Variants in PARG observed in about 807,000 individuals in gnomAD.
PARG encodes poly(ADP-ribose) glycohydrolase, also known as mitochondrial poly(ADP-ribose) glycohydrolase.
PARG carries 35 observed loss-of-function variants against 113.0 expected under a neutral mutation model. The ratio of observed to expected loss-of-function variants is 0.31; its 90% confidence interval spans 0.24 to 0.41. The LOEUF (loss-of-function observed/expected upper bound fraction) is 0.41, where lower values mean the gene tolerates loss of function less well. PARG is among the 10% of genes least tolerant of loss of function. The pLI, the probability that PARG is intolerant of heterozygous loss-of-function variation, is 1.00. For synonymous variants in PARG, 330 were observed against 409.9 expected (o/e 0.81, Z 2.36); for missense variants, 797 against 1,169.4 (o/e 0.68, Z 4.64).
chr10:49,821,771 T>A (rs781823873), intron 16 of PARG, among the ~76,000 whole-genome samples: 2 of 152,138 alleles, frequency 1.3e-5, no homozygotes, highest in Non-Finnish European at 2.9e-5. Flanking sequence ...AGAATGGGAA[T>A]GGGAAGAAAC....
intron 10 of PARG, among the ~76,000 whole-genome samples, chr10:49,867,837 C>A (rs1206736554): frequency 6.6e-6 from 1 of 151,782 alleles, no homozygotes; most frequent in Non-Finnish European, 1.5e-5. Context: ...AGAAGACATA[C>A]ATGATTTGAC....
intron 12 of PARG, among the ~76,000 whole-genome samples, chr10:49,858,791 T>C (rs1846114785): frequency 6.7e-6 from 1 of 150,350 alleles, no homozygotes; most frequent in Non-Finnish European, 1.5e-5. Flanking sequence ...GAAACCAGTC[T>C]GTTGATTAGA....
intron 10 of PARG, among the ~76,000 whole-genome samples, chr10:49,867,804 T>C (rs1419794536): frequency 6.6e-6 from 1 of 151,626 alleles, no homozygotes; most frequent in East Asian, 1.9e-4. Context: ...TCCTAAAATT[T>C]AGAAAGCCAA....
intron 5 of PARG, 43 bp from the exon 6 acceptor site, chr10:49,922,462 T>C (rs1554849557): frequency 6.2e-7 from 1 of 1,610,108 alleles, no homozygotes; most frequent in Non-Finnish European, 8.5e-7. Context: ...TATTCTAAGT[T>C]GTTTTGCATC....
intron 4 of PARG, among the ~76,000 whole-genome samples, chr10:49,926,391 C>G (rs1224950487): frequency 1.3e-5 from 2 of 151,978 alleles, no homozygotes; most frequent in Non-Finnish European, 2.9e-5. Flanking sequence ...ACAGCTTAAA[C>G]CAATAGCCAC....
chr10:49,878,937 G>C (rs1161986888), intron 9 of PARG, among the ~76,000 whole-genome samples: 5 of 152,088 alleles, frequency 3.3e-5, no homozygotes, highest in Non-Finnish European at 7.4e-5. Context: ...CAGAGGTGGG[G>C]ATATGGGAGT....
intron 8 of PARG, among the ~76,000 whole-genome samples, chr10:49,882,376 A>C (rs1847257682): frequency 6.6e-6 from 1 of 151,350 alleles, no homozygotes; most frequent in Non-Finnish European, 1.5e-5. Flanking sequence ...ATTAAACACC[A>C]ACATATACAA....
intron 13 of PARG, among the ~76,000 whole-genome samples, chr10:49,849,782 G>A (rs1845674856): frequency 6.6e-6 from 1 of 152,002 alleles, no homozygotes; most frequent in Non-Finnish European, 1.5e-5. Flanking sequence ...AGAGGCCGAG[G>A]CAGGAGGACT....
At chr10:49,898,768 CCTT>C (rs1848217541) in intron 7 of PARG, among the ~76,000 whole-genome samples, 1 of 151,652 alleles carries the variant, frequency 6.6e-6, no homozygotes, top group Non-Finnish European at 1.5e-5. Flanking sequence ...GAATATCTTT[CCTT>C]CTTAACTCCA....
At chr10:49,905,841 G>A (rs1314124516) in intron 7 of PARG, among the ~76,000 whole-genome samples, 3 of 152,220 alleles carry the variant, frequency 2.0e-5, no homozygotes, top group African/African-American at 7.2e-5. Context: ...TGGCTTTAGA[G>A]AAGGAGCTGG....
At chr10:49,892,440 C>G (rs1256024998) in intron 7 of PARG, among the ~76,000 whole-genome samples, 1 of 151,928 alleles carries the variant, frequency 6.6e-6, no homozygotes, top group Non-Finnish European at 1.5e-5. Context: ...TTATATTTTT[C>G]TACAACTTGT....
chr10:49,820,395 G>T, intron 16 of PARG, 102 bp from the exon 17 acceptor site: 1 of 788,730 alleles, frequency 1.3e-6, no homozygotes, highest in African/African-American at 1.7e-5. Context: ...CTAGATTAAA[G>T]ATTTATAAAC....
chr10:49,937,542 T>C (rs1176908880), intron 1 of PARG, among the ~76,000 whole-genome samples: 1 of 152,124 alleles, frequency 6.6e-6, no homozygotes, highest in African/African-American at 2.4e-5. Flanking sequence ...TTTGAGTTGG[T>C]TTAGAAGTTA....
intron 13 of PARG, among the ~76,000 whole-genome samples, chr10:49,849,309 G>A (rs2664634): frequency 6.6e-6 from 1 of 152,160 alleles, no homozygotes; most frequent in African/African-American, 2.4e-5. Flanking sequence ...GCAAAACGAC[G>A]CTGAAGGAGA....
At position 49,844,315 on chromosome 10, in the gene PARG, A is replaced by T. The variant is rs371235416; in HGVS notation, c.2354-683T>A. ...AAAAACCATAAAATACCTAGGAGTA[A>T]ACATAACAACAAAGAAGACACTACT... On this transcript the variant is annotated intron_variant, in intron 13 of 17. Coordinates refer to ENST00000616448, the MANE Select transcript of PARG (RefSeq NM_003631.5). Among the ~76,000 whole-genome samples, 7 of 151,534 alleles carry T rather than the reference A, an allele frequency of 4.6e-5. No individual in the cohort carries two copies. The South Asian group carries it at 1.5e-3, about 32-fold the overall frequency.
At chr10:49,936,012 A>G (rs1261908959) in intron 1 of PARG, among the ~76,000 whole-genome samples, 1 of 152,198 alleles carries the variant, frequency 6.6e-6, no homozygotes, top group Non-Finnish European at 1.5e-5. Context: ...GGAGGAAGCT[A>G]CTAGTCCAGG....
intron 6 of PARG, among the ~76,000 whole-genome samples, chr10:49,920,616 G>A (rs7905981): frequency 0.44 from 62,120 of 141,780 alleles, 15,701 homozygotes; most frequent in East Asian, 0.6. Flanking sequence ...ACATATATAC[G>A]TATATATATA....
chr10:49,900,344 G>A (rs1253691525), intron 7 of PARG, among the ~76,000 whole-genome samples: 2 of 151,886 alleles, frequency 1.3e-5, no homozygotes, highest in South Asian at 2.1e-4. Context: ...AGACTTTCTG[G>A]ATGTGGTGGA....
intron 15 of PARG, among the ~76,000 whole-genome samples, chr10:49,839,343 A>G (rs1554831791): frequency 2.0e-5 from 3 of 152,112 alleles, no homozygotes; most frequent in Non-Finnish European, 4.4e-5. Context: ...CTCAAAAAAA[A>G]AAAAAAAGTT....
Sources: gnomAD v4.1 joint callset for allele counts (sites outside exome capture counted in the v4.1 genomes callset) on GRCh38, gnomAD v4.1.1 for gene constraint, MANE v1.5 for transcripts, NCBI Gene and HGNC (gene_info 2026-07-23, HGNC 2026-07-21) for gene names.